ST7: variants seen among roughly 807,000 people sequenced by gnomAD.
ST7 encodes suppressor of tumorigenicity 7 protein.
In ST7, 28 loss-of-function variants were observed where a neutral mutation model predicts 78.7. The observed-to-expected ratio is 0.36, with a 90% CI of 0.26 to 0.49. The LOEUF is 0.49. ST7 is among the 20% of genes least tolerant of loss of function. ST7 has a pLI of 0.99. For synonymous variants in ST7, 247 were observed against 249.6 expected, an observed-to-expected ratio of 0.99 and a Z score of 0.10; for missense variants, 418 against 696.0, an observed-to-expected ratio of 0.60 and a Z score of 4.49.
intron 9 of ST7, among the ~76,000 whole-genome samples, chr7:117,159,528 G>A (rs1806965370): frequency 6.6e-6 from 1 of 152,202 alleles, no homozygotes; most frequent in Non-Finnish European, 1.5e-5. Flanking sequence ...GCTAGATAGT[G>A]AGCATGTTTA....
chr7:117,008,157 T>TAA (rs1331335273), intron 1 of ST7, among the ~76,000 whole-genome samples: 5 of 152,180 alleles, frequency 3.3e-5, no homozygotes, highest in African/African-American at 1.2e-4. Flanking sequence ...CCGAAACCCT[T>TAA]AATGAGGTAG....
chr7:116,973,389 C>G (rs932394665), intron 1 of ST7, among the ~76,000 whole-genome samples: 1 of 152,150 alleles, frequency 6.6e-6, no homozygotes, highest in East Asian at 1.9e-4. Flanking sequence ...TCCCGAGTAG[C>G]TGGGACTACA....
At chr7:117,212,554 T>C (rs577504110) in intron 13 of ST7, among the ~76,000 whole-genome samples, 5 of 152,214 alleles carry the variant, frequency 3.3e-5, no homozygotes, top group Non-Finnish European at 7.3e-5. Flanking sequence ...TTTTGTTGTT[T>C]AATATTGACT....
chr7:117,127,218 TAAG>T (rs1803926540), intron 3 of ST7, among the ~76,000 whole-genome samples: 1 of 151,862 alleles, frequency 6.6e-6, no homozygotes, highest in Non-Finnish European at 1.5e-5. Flanking sequence ...AAGGAACACA[TAAG>T]AAACTCTTAC....
At position 116,953,685 on chromosome 7, in the gene ST7, A is replaced by C. The variant is rs1361699852; in HGVS notation, c.145A>C (p.Ser49Arg). Reference sequence around the variant, plus strand: ...GCCTTTGAAAATCAACGACAACTTGAGCACAGGTAAGGCCTGGGAGCCGGG... The same window carrying C: ...GCCTTTGAAAATCAACGACAACTTGCGCACAGGTAAGGCCTGGGAGCCGGG... ...RVPLKINDNL[S>R]TVSMFLNTLT... The change falls in exon 1 of 16, where the codon AGC becomes CGC. Residue 49 changes from serine (S) to arginine (R), a missense_variant. By Grantham distance (110) the Ser-to-Arg change is moderately radical. Coordinates refer to ENST00000323984, the MANE Select transcript of ST7 (RefSeq NM_001369598.1). 3.4e-6 allele frequency: 5 copies of C among 1,487,366 alleles called. No individual in the cohort carries two copies. Among genetic ancestry groups the C allele is most frequent in the Non-Finnish European group, 4.5e-6 (5 of 1,103,924 alleles). The allele number at this position is 1,487,366 out of a possible 1,614,324, so 92.1% of individuals were successfully genotyped here. A position where few individuals can be genotyped will look rare whatever the true frequency, so the allele number is the denominator to read the frequency against.
chr7:116,967,655 A>C (rs1260904573), intron 1 of ST7, among the ~76,000 whole-genome samples: 1 of 152,250 alleles, frequency 6.6e-6, no homozygotes, highest in African/African-American at 2.4e-5. Flanking sequence ...TTTATAACTG[A>C]GCATGATAAT....
rs1024713142 is a variant in ST7, at chr7:117,221,868, C to T, written c.1499-55C>T. 2.6e-6 allele frequency: 4 copies of T among 1,532,644 alleles called. No individual in the cohort carries two copies. In the African/African-American group the frequency reaches 4.2e-5, roughly 16 times the overall value. 94.9% of individuals were successfully genotyped at this position (1,532,644 alleles called of 1,614,324 possible). A position where few individuals can be genotyped will look rare whatever the true frequency, so the allele number is the denominator to read the frequency against. On this transcript the variant is annotated intron_variant, in intron 14 of 15. Coordinates refer to ENST00000323984, the MANE Select transcript of ST7 (RefSeq NM_001369598.1). ...AGTCAGTGCCACCATAAAGACCTCC[C>T]CTGAGAGTGCAGTTTACTCCAGCCC...
At chr7:116,986,473 G>A (rs1029101772) in intron 1 of ST7, among the ~76,000 whole-genome samples, 1 of 152,182 alleles carries the variant, frequency 6.6e-6, no homozygotes, top group African/African-American at 2.4e-5. Flanking sequence ...AGGGATTTAG[G>A]TAGTAGGAAA....
chr7:117,004,145 T>G (rs1795058861), intron 1 of ST7, among the ~76,000 whole-genome samples: 2 of 152,244 alleles, frequency 1.3e-5, no homozygotes, highest in African/African-American at 4.8e-5. Context: ...AAAAATATGT[T>G]GACTTGATCC....
At chr7:117,213,412 A>G (rs967923853) in intron 13 of ST7, among the ~76,000 whole-genome samples, 1 of 152,182 alleles carries the variant, frequency 6.6e-6, no homozygotes, top group Non-Finnish European at 1.5e-5. Context: ...GATTTAAAAC[A>G]AATTCTTAGT....
chr7:117,033,378 A>G (rs1796703369), intron 1 of ST7, among the ~76,000 whole-genome samples: 1 of 151,446 alleles, frequency 6.6e-6, no homozygotes, highest in Non-Finnish European at 1.5e-5. Flanking sequence ...TAATTCATGC[A>G]TGTCTGCTTT....
intron 1 of ST7, among the ~76,000 whole-genome samples, chr7:117,087,055 C>T (rs752667844): frequency 2.0e-5 from 3 of 152,078 alleles, no homozygotes; most frequent in Non-Finnish European, 2.9e-5. Context: ...CCTTCTTTTG[C>T]GGGGCAGATT....
intron 1 of ST7, among the ~76,000 whole-genome samples, chr7:116,973,733 A>G (rs1468293111): frequency 6.6e-6 from 1 of 152,220 alleles, no homozygotes; most frequent in Non-Finnish European, 1.5e-5. Flanking sequence ...TACATGATAG[A>G]CTACTGCCCA....
intron 10 of ST7, among the ~76,000 whole-genome samples, chr7:117,187,082 C>T (rs73714389): frequency 5.3e-4 from 81 of 152,206 alleles, no homozygotes; most frequent in African/African-American, 1.5e-3. Flanking sequence ...ATTTAGGATC[C>T]GTTTCTTTAG....
Position 117,100,241 on chromosome 7 carries a change from G to A in ST7, c.234+397G>A, listed in dbSNP as rs528391890. On this transcript the variant is annotated intron_variant, in intron 2 of 15. Coordinates refer to ENST00000323984, the MANE Select transcript of ST7 (RefSeq NM_001369598.1). ...AATCCCAGCACTTTGGGAGGCGAAG[G>A]CGGGCAGATCACTTGAGGTTAGGAG... Among the ~76,000 whole-genome samples the A allele has an allele frequency of 2.0e-5, 3 of 152,252 alleles. No individual in the cohort carries two copies. In the South Asian group the frequency reaches 6.2e-4, roughly 32 times the overall value.
At chr7:117,198,244 C>A in intron 12 of ST7, 1 of 428,784 alleles carries the variant, frequency 2.3e-6, no homozygotes, top group Non-Finnish European at 4.7e-6. Flanking sequence ...GTAATTCATT[C>A]AGTACCTGCT....
intron 1 of ST7, among the ~76,000 whole-genome samples, chr7:117,034,507 A>G (rs931628609): frequency 4.6e-5 from 7 of 152,232 alleles, no homozygotes; most frequent in African/African-American, 1.4e-4. Context: ...TATCTTGCTT[A>G]TTAAACACAA....
At chr7:117,148,150 A>G (rs193005841) in intron 9 of ST7, among the ~76,000 whole-genome samples, 17 of 152,226 alleles carry the variant, frequency 1.1e-4, no homozygotes, top group Non-Finnish European at 2.2e-4. Flanking sequence ...ACTGTTTATT[A>G]ATCTGTTTTT....
At chr7:117,070,652 T>A (rs1798886008) in intron 1 of ST7, among the ~76,000 whole-genome samples, 1 of 152,028 alleles carries the variant, frequency 6.6e-6, no homozygotes, top group Admixed American at 6.5e-5. Flanking sequence ...GCCATTCTCC[T>A]GCCTCAGCGT....
Sources: gnomAD v4.1 joint callset for allele counts (sites outside exome capture counted in the v4.1 genomes callset) on GRCh38, gnomAD v4.1.1 for gene constraint, MANE v1.5 for transcripts, NCBI Gene and HGNC (gene_info 2026-07-23, HGNC 2026-07-21) for gene names.